Variants in ABCG2 observed in about 807,000 individuals in gnomAD.
The protein encoded by ABCG2 is broad substrate specificity ATP-binding cassette transporter ABCG2.
ABCG2 carries 80 observed loss-of-function variants against 73.5 expected under a neutral mutation model. The observed-to-expected ratio is 1.09, with a 90% CI of 0.91 to 1.31. The LOEUF (loss-of-function observed/expected upper bound fraction) is 1.31, where lower values mean the gene tolerates loss of function less well. Among genes scored for constraint, ABCG2 ranks in the 50% most tolerant of loss-of-function variants. The pLI, the probability that ABCG2 is intolerant of heterozygous loss-of-function variation, is 0.00. For synonymous variants in ABCG2, 269 were observed against 282.4 expected (o/e 0.95, Z 0.48); for missense variants, 796 against 786.2 (o/e 1.01, Z -0.15).
chr4:88,138,048 AG>A (rs1302388377), intron 2 of ABCG2, among the ~76,000 whole-genome samples: 1 of 152,158 alleles, frequency 6.6e-6, no homozygotes, highest in African/African-American at 2.4e-5. Context: ...CCAGAGGCTG[AG>A]GCGGGAGAAT....
At chr4:88,110,544 G>GA (rs986724510) in intron 9 of ABCG2, among the ~76,000 whole-genome samples, 8 of 150,194 alleles carry the variant, frequency 5.3e-5, no homozygotes, top group African/African-American at 1.9e-4. Flanking sequence ...CTCTGTCTCA[G>GA]AAAAAAAAAG....
rs1187651531 is a variant in ABCG2, at chr4:88,095,595, C to A, written c.1662G>T (p.Leu554=). The A allele has an allele frequency of 1.2e-6, 2 of 1,613,582 alleles. No homozygotes were observed. Among genetic ancestry groups the A allele is most frequent in the African/African-American group, 2.7e-5 (2 of 74,936 alleles). Residue 554 remains leucine, a synonymous_variant, in exon 14 of 16, where the codon CTG becomes CTT. Coordinates refer to ENST00000237612, the MANE Select transcript of ABCG2 (RefSeq NM_004827.3). ...CFVFMMIFSG[L]LVNLTTIASW... ...ATGCAATGGTTGTGAGATTGACCAA[C>A]AGACCTGAAAAAATCTACAAAAAGC... is the stretch of plus-strand genomic sequence containing the variant.
intron 1 of ABCG2, among the ~76,000 whole-genome samples, chr4:88,172,294 C>CCA (rs752595255): frequency 7.5e-6 from 1 of 133,748 alleles, no homozygotes; most frequent in Non-Finnish European, 1.6e-5. Context: ...AGCTCCGTCA[C>CCA]AAAAAAAAAA....
intron 9 of ABCG2, among the ~76,000 whole-genome samples, chr4:88,112,086 TAA>T (rs70957300): frequency 2.1e-5 from 3 of 142,558 alleles, no homozygotes; most frequent in Non-Finnish European, 3.0e-5. Flanking sequence ...ACCCAGTCTC[TAA>T]AAAAAAAAAA....
At chr4:88,167,438 A>C (rs979014665) in intron 1 of ABCG2, among the ~76,000 whole-genome samples, 3 of 148,746 alleles carry the variant, frequency 2.0e-5, no homozygotes, top group African/African-American at 7.5e-5. Context: ...CAGTGGCACA[A>C]TCTCGGCTCA....
chr4:88,128,395 C>T (rs1267124777), intron 5 of ABCG2, among the ~76,000 whole-genome samples: 1 of 152,088 alleles, frequency 6.6e-6, no homozygotes, highest in Non-Finnish European at 1.5e-5. Context: ...CCAGAAATAC[C>T]ATTTGACCCA....
At chr4:88,222,494 A>C (rs1283914466) in intron 1 of ABCG2, among the ~76,000 whole-genome samples, 1 of 152,132 alleles carries the variant, frequency 6.6e-6, no homozygotes, top group Admixed American at 6.5e-5. Context: ...TTCCCTGCAC[A>C]AGCTCTCTCT....
chr4:88,094,760 T>C, intron 14 of ABCG2, 101 bp from the exon 15 acceptor site: 1 of 897,712 alleles, frequency 1.1e-6, no homozygotes, highest in South Asian at 1.5e-5. Context: ...ATCTTTATTG[T>C]TATTTCTAAA....
At chr4:88,198,619 G>GA (rs1274996973) in intron 1 of ABCG2, among the ~76,000 whole-genome samples, 3 of 152,104 alleles carry the variant, frequency 2.0e-5, no homozygotes, top group Non-Finnish European at 4.4e-5. Context: ...GGTGACAAAG[G>GA]AGACTATGCC....
intron 1 of ABCG2, among the ~76,000 whole-genome samples, chr4:88,143,657 C>A (rs909973174): frequency 6.6e-5 from 10 of 152,116 alleles, no homozygotes; most frequent in African/African-American, 2.4e-4. Context: ...TACTCAGGAG[C>A]TGTTTCATTC....
chr4:88,202,354 T>TTATATATATATA (rs57530549), intron 1 of ABCG2, among the ~76,000 whole-genome samples: 1 of 62,086 alleles, frequency 1.6e-5, no homozygotes, highest in Non-Finnish European at 3.2e-5. Context: ...CTACAATTAT[T>TTATATATATATA]TATATATATA....
intron 2 of ABCG2, among the ~76,000 whole-genome samples, chr4:88,137,689 A>G (rs1725347281): frequency 6.6e-6 from 1 of 152,182 alleles, no homozygotes; most frequent in Non-Finnish European, 1.5e-5. Flanking sequence ...TTTCAAGAAC[A>G]CACACAAAGG....
rs370445426 is a variant in ABCG2, at chr4:88,211,487, G to A, written c.-20+19507C>T. 3.9e-5 allele frequency among the ~76,000 whole-genome samples: 6 copies of A among 152,052 alleles called. 1 individual carries two copies. The East Asian group carries it at 7.7e-4, about 20-fold the overall frequency. ...GCTGGAGTGCAATGGCGCGATCTCCGCTCACTGCAACCTCCGCCTCCCAGG... is the reference window on the plus strand; with the variant it reads ...GCTGGAGTGCAATGGCGCGATCTCCACTCACTGCAACCTCCGCCTCCCAGG... On this transcript the variant is annotated intron_variant, in intron 1 of 15. Coordinates refer to the ABCG2 transcript ENST00000515655.
intron 1 of ABCG2, among the ~76,000 whole-genome samples, chr4:88,207,259 G>A (rs1433811031): frequency 6.6e-6 from 1 of 152,098 alleles, no homozygotes; most frequent in African/African-American, 2.4e-5. Context: ...ACACTACAGA[G>A]TTACCAGCTA....
intron 1 of ABCG2, among the ~76,000 whole-genome samples, chr4:88,218,460 T>C (rs1422035939): frequency 6.6e-6 from 1 of 152,202 alleles, no homozygotes; most frequent in Admixed American, 6.5e-5. Context: ...AATTTTTTAT[T>C]TCCCTAAGAT....
At chr4:88,201,827 A>T (rs907128432) in intron 1 of ABCG2, 16 of 152,206 alleles carry the variant, frequency 1.1e-4, no homozygotes, top group African/African-American at 2.9e-4. Context: ...CATATTTTTT[A>T]AAAATGCAGA....
chr4:88,226,158 C>T (rs2110134365), intron 1 of ABCG2, among the ~76,000 whole-genome samples: 1 of 152,298 alleles, frequency 6.6e-6, no homozygotes, highest in East Asian at 1.9e-4. Context: ...AGGTTTCTGC[C>T]TCCAGCCTCA....
At position 88,099,484 on chromosome 4, in the gene ABCG2, T is replaced by G. The variant is rs770779124; in HGVS notation, c.1368-36A>C. 12 of 1,564,262 alleles carry G rather than the reference T, an allele frequency of 7.7e-6. No homozygotes were observed. The South Asian group carries it at 1.4e-4, about 18-fold the overall frequency. ...AAAATACGTATCATACATCCAAGAT[T>G]AGTTTAAGAAGCCACAGGGCAGGCT... On this transcript the variant is annotated intron_variant, in intron 11 of 15. Coordinates refer to ENST00000237612, the MANE Select transcript of ABCG2 (RefSeq NM_004827.3).
At chr4:88,177,443 T>C (rs1728049686) in intron 1 of ABCG2, among the ~76,000 whole-genome samples, 1 of 151,692 alleles carries the variant, frequency 6.6e-6, no homozygotes, top group Non-Finnish European at 1.5e-5. Flanking sequence ...TTGTAGAACA[T>C]AATTGAAATA....
Sources: gnomAD v4.1 joint callset for allele counts (sites outside exome capture counted in the v4.1 genomes callset) on GRCh38, gnomAD v4.1.1 for gene constraint, MANE v1.5 for transcripts, NCBI Gene and HGNC (gene_info 2026-07-23, HGNC 2026-07-21) for gene names.